The following CS variants were observed in gnomAD, a reference collection of about 807,000 sequenced individuals.
CS encodes citrate synthase, mitochondrial.
A neutral mutation model predicts 61.4 loss-of-function variants in CS; 13 were observed. The observed-to-expected ratio is 0.21, with a 90% CI of 0.14 to 0.34. CS has a LOEUF of 0.34. CS is among the 10% of genes least tolerant of loss of function. CS has a pLI of 1.00. For missense variants in CS, 278 were observed against 573.4 expected, an observed-to-expected ratio of 0.48 and a Z score of 5.26; for synonymous variants, 159 against 215.2, an observed-to-expected ratio of 0.74 and a Z score of 2.29.
At chr12:56,278,319 G>A (rs1436130926) in intron 6 of CS, among the ~76,000 whole-genome samples, 1 of 152,046 alleles carries the variant, frequency 6.6e-6, no homozygotes. Flanking sequence ...GTAGAGATGG[G>A]GTTTCACCAT....
At chr12:56,287,796 A>G (rs953238110) in intron 1 of CS, among the ~76,000 whole-genome samples, 13 of 152,128 alleles carry the variant, frequency 8.5e-5, no homozygotes, top group Non-Finnish European at 1.3e-4. Context: ...CTGGGATTAC[A>G]GGCATGCACC....
intron 9 of CS, chr12:56,274,214 G>C (rs1167506509): frequency 4.8e-6 from 1 of 209,202 alleles, no homozygotes; most frequent in Non-Finnish European, 9.7e-6. Flanking sequence ...CCAGCTACTC[G>C]AGAGGATGAG....
rs1169284072 is a variant in CS, at chr12:56,273,568, G to C, written c.1230+19C>G. ...GGTTTGGTACAAATTAGAGGGAAAA[G>C]AGGGAAAGGAGGACTTACCTGGAGC... On this transcript the variant is annotated intron_variant, in intron 10 of 10. Coordinates refer to ENST00000351328, the MANE Select transcript of CS (RefSeq NM_004077.3). 5.0e-6 allele frequency: 8 copies of C among 1,611,128 alleles called. No homozygotes were observed. The highest frequency in any genetic ancestry group is 6.8e-6 in the Non-Finnish European group (8 of 1,177,456).
intron 9 of CS, chr12:56,273,997 C>G: frequency 5.3e-6 from 2 of 374,614 alleles, no homozygotes; most frequent in East Asian, 6.2e-5. Flanking sequence ...ACACATCTGG[C>G]TTTTTTTTTT....
At chr12:56,279,898 G>C (rs532666681) in intron 6 of CS, among the ~76,000 whole-genome samples, 1 of 151,630 alleles carries the variant, frequency 6.6e-6, no homozygotes, top group Admixed American at 6.6e-5. Flanking sequence ...AACCCAGGAG[G>C]CAGAGGTTGT....
intron 4 of CS, among the ~76,000 whole-genome samples, chr12:56,283,513 G>T (rs1338282003): frequency 1.3e-5 from 2 of 152,172 alleles, no homozygotes; most frequent in African/African-American, 4.8e-5. Context: ...AAAGTGCTGG[G>T]ATTACAGGTG....
chr12:56,291,336 T>TCTTC (rs1873119404), intron 1 of CS: 3 of 876,472 alleles, frequency 3.4e-6, no homozygotes, highest in Non-Finnish European at 4.1e-6. Context: ...GTCCCAATTT[T>TCTTC]CTTTCTTTCT....
chr12:56,285,754 G>A (rs527880424), intron 3 of CS, among the ~76,000 whole-genome samples, 162 bp downstream of exon 3: 1 of 152,314 alleles, frequency 6.6e-6, no homozygotes, highest in Admixed American at 6.5e-5. Flanking sequence ...GAAACTATCA[G>A]CTGAGCTGCT....
chr12:56,283,419 G>T (rs186525471), intron 4 of CS, among the ~76,000 whole-genome samples: 1 of 152,006 alleles, frequency 6.6e-6, no homozygotes, highest in East Asian at 1.9e-4. Context: ...AATTTTGTGT[G>T]TTTTTAGTAC....
chr12:56,293,484 AGGTGGGT>A (rs1420587713), intron 1 of CS, among the ~76,000 whole-genome samples: 1 of 152,238 alleles, frequency 6.6e-6, no homozygotes, highest in Non-Finnish European at 1.5e-5. Context: ...TGGGAGGCCA[AGGTGGGT>A]GGATCACCTG....
At chr12:56,299,448 GCCGAGGAT>G (rs1873409366) in intron 1 of CS, among the ~76,000 whole-genome samples, 1 of 152,162 alleles carries the variant, frequency 6.6e-6, no homozygotes, top group African/African-American at 2.4e-5. Context: ...AGTATCTCTT[GCCGAGGAT>G]CTTCATTTAT....
chr12:56,273,918 C>T (rs1256014242), intron 9 of CS, 122 bp from the exon 10 acceptor site: 15 of 798,514 alleles, frequency 1.9e-5, no homozygotes, highest in Admixed American at 1.0e-4. Flanking sequence ...ACGGCAGCCT[C>T]GACCTCCCAG....
At chr12:56,278,734 GA>G (rs761606533) in intron 6 of CS, among the ~76,000 whole-genome samples, 1,588 of 136,114 alleles carry the variant, frequency 0.012, 23 homozygotes, top group African/African-American at 0.034. Context: ...CTCTGTCTCG[GA>G]AAAAAAAAAA....
intron 1 of CS, among the ~76,000 whole-genome samples, chr12:56,299,653 C>T (rs1405691426): frequency 6.6e-6 from 1 of 152,154 alleles, no homozygotes; most frequent in African/African-American, 2.4e-5. Context: ...TCACCGAAGG[C>T]TTAAATAATA....
At chr12:56,292,340 G>A (rs1049441460) in intron 1 of CS, among the ~76,000 whole-genome samples, 15 of 151,230 alleles carry the variant, frequency 9.9e-5, no homozygotes, top group African/African-American at 2.9e-4. Flanking sequence ...GCAGCGAGCC[G>A]AGATTGTGCC....
In CS at chr12:56,275,114, T is replaced by C. The variant is rs1243396253; in HGVS notation, c.806A>G (p.Asn269Ser). ...CAAATGGCTGGTATGGGCACTTACA[T>C]TGCCACCCTCATGGTCACTGTGGGG... ...LTIHSDHEGG[N>S]VSAHTSHLVG... The change falls in exon 8 of 11, where the codon AAT (asparagine) becomes AGT (serine). Residue 269 changes from asparagine to serine, a missense_variant. Asn to Ser is a conservative substitution (Grantham distance 46). Around this residue, in one of 2 missense-constraint regions of CS, gnomAD observed 223 missense variants for 503.5 expected, o/e 0.44. Coordinates refer to ENST00000351328, the MANE Select transcript of CS (RefSeq NM_004077.3). The C allele has an allele frequency of 3.7e-6, 6 of 1,614,050 alleles. No homozygotes were observed. The highest frequency in any genetic ancestry group is 3.3e-5 in the Admixed American group (2 of 60,006).
At chr12:56,280,416 C>CAA (rs1190260476) in intron 6 of CS, among the ~76,000 whole-genome samples, 41 of 89,790 alleles carry the variant, frequency 4.6e-4, no homozygotes, top group African/African-American at 1.6e-3. Context: ...CACCGTCTCC[C>CAA]AAAAAAAACA....
chr12:56,272,121 G>C lies in CS; in HGVS notation c.*963C>G, dbSNP rs1592404068. The C allele has an allele frequency of 3.2e-6, 1 of 308,148 alleles. No homozygotes were observed. Among genetic ancestry groups the C allele is most frequent in the South Asian group, 2.6e-5 (1 of 38,182 alleles). The allele number at this position is 308,148 out of a possible 1,614,324, so 19.1% of individuals were successfully genotyped here. ...ATGTCCAATCTTGAATCAATTCCCT[G>C]TTCAAAAAGAGGTGCTAATACCCCG... On this transcript the variant is annotated 3_prime_UTR_variant, in exon 11 of 11. Transcript: ENST00000351328.
chr12:56,297,507 G>A (rs886546665), intron 1 of CS, among the ~76,000 whole-genome samples: 1 of 152,120 alleles, frequency 6.6e-6, no homozygotes, highest in Non-Finnish European at 1.5e-5. Context: ...AAATTCGCCA[G>A]TCTGGCCAAT....
Sources: gnomAD v4.1 joint callset for allele counts (sites outside exome capture counted in the v4.1 genomes callset) on GRCh38, gnomAD v4.1.1 for gene constraint, gnomAD v4.1.1 regional missense constraint, MANE v1.5 for transcripts, NCBI Gene and HGNC (gene_info 2026-07-23, HGNC 2026-07-21) for gene names.